EOGT: variants seen among roughly 807,000 people sequenced by gnomAD.
EOGT encodes EGF domain-specific O-linked N-acetylglucosamine transferase.
Under a neutral mutation model 70.5 loss-of-function variants are expected in EOGT, and 55 were observed. The ratio of observed to expected loss-of-function variants is 0.78; its 90% CI spans 0.63 to 0.98. The LOEUF is 0.98. EOGT is among the 50% of genes least tolerant of loss of function. The pLI is 0.00. For missense variants in EOGT, 703 were observed against 641.9 expected (o/e 1.10, Z -1.03); for synonymous variants, 246 against 217.1 (o/e 1.13, Z -1.17).
chr3:69,002,062 C>T lies in EOGT; in HGVS notation c.621-348G>A, dbSNP rs185873179. On this transcript the variant is annotated intron_variant, in intron 8 of 17. Coordinates refer to ENST00000383701, the MANE Select transcript of EOGT (RefSeq NM_001278689.2). ...AAAATTAGCTGGGCGTAGTGGCGAG[C>T]GCCTTTAGTCCCAGCCATTTTCAGG... Among the ~76,000 whole-genome samples the T allele has an allele frequency of 5.5e-4, 84 of 152,172 alleles. 1 individual carries two copies. The East Asian group carries it at 0.013, about 23-fold the overall frequency.
chr3:69,006,038 G>GT (rs2091432150), intron 6 of EOGT, among the ~76,000 whole-genome samples: 1 of 152,146 alleles, frequency 6.6e-6, no homozygotes, highest in African/African-American at 2.4e-5. Context: ...TGATGATATT[G>GT]TTTAGAAGCT....
intron 3 of EOGT, among the ~76,000 whole-genome samples, chr3:69,011,615 G>C (rs114558932): frequency 1.4e-3 from 178 of 123,172 alleles, no homozygotes; most frequent in African/African-American, 4.6e-3. Flanking sequence ...AAAAAACAAA[G>C]AAAGAAAGAA....
rs966753993 is a variant in EOGT, at chr3:68,975,728, A to G, written c.*1890T>C. Reference sequence around the variant, plus strand: ...CTTCTTATGTGATTTTAAGGTCTGAATCAAAGCCATTGCTACAGTGATTCA... The same window carrying G: ...CTTCTTATGTGATTTTAAGGTCTGAGTCAAAGCCATTGCTACAGTGATTCA... On this transcript the variant is annotated 3_prime_UTR_variant, in exon 18 of 18. Transcript: ENST00000383701. 2.6e-5 allele frequency: 4 copies of G among 152,192 alleles called. No homozygotes were observed. The highest frequency in any genetic ancestry group is 7.2e-5 in the African/African-American group (3 of 41,444). The allele number at this position is 152,192 out of a possible 1,614,324, so 9.4% of individuals were successfully genotyped here.
At chr3:68,982,919 T>C (rs1262817329) in intron 14 of EOGT, 47 bp from the exon 15 acceptor site, 1 of 1,501,370 alleles carries the variant, frequency 6.7e-7, no homozygotes, top group South Asian at 1.2e-5. Flanking sequence ...CTTCTTTCAC[T>C]TCTGTTTTTC....
rs377195235 is a variant in EOGT at position 69,010,204 on chromosome 3, A to T, written c.-14-344T>A. On this transcript the variant is annotated intron_variant, in intron 3 of 17. Transcript: ENST00000383701. ...CTGTGAATCAAACCAACTAGGGGCC[A>T]GCAAACTTTTCCTGTAAAGGAGAAG... 9.2e-5 allele frequency among the ~76,000 whole-genome samples: 14 copies of T among 152,374 alleles called. 1 individual carries two copies. The South Asian group carries it at 2.7e-3, about 29-fold the overall frequency.
intron 15 of EOGT, 59 bp downstream of exon 15, chr3:68,982,752 C>T: frequency 1.6e-6 from 2 of 1,288,456 alleles, no homozygotes; most frequent in Admixed American, 2.2e-5. Flanking sequence ...GCTTTCTAGC[C>T]CCCTTGACCT....
At chr3:69,009,915 CA>C in intron 3 of EOGT, 55 bp from the exon 4 acceptor site, 2 of 587,528 alleles carry the variant, frequency 3.4e-6, no homozygotes, top group Non-Finnish European at 2.8e-6. Context: ...AAAGCCAAAA[CA>C]ACAACAACAA....
chr3:68,985,791 T>C (rs2090789181), intron 14 of EOGT, among the ~76,000 whole-genome samples: 1 of 152,224 alleles, frequency 6.6e-6, no homozygotes, highest in South Asian at 2.1e-4. Flanking sequence ...TCTGCTGCTG[T>C]AACAAACTGC....
intron 14 of EOGT, 108 bp downstream of exon 14, chr3:68,987,337 A>C: frequency 1.1e-6 from 1 of 880,120 alleles, no homozygotes; most frequent in Non-Finnish European, 1.8e-6. Context: ...ACTTTTCTCA[A>C]AACTAAGTTT....
chr3:68,992,398 C>G (rs1205378548), intron 10 of EOGT, among the ~76,000 whole-genome samples: 2 of 152,192 alleles, frequency 1.3e-5, no homozygotes, highest in Non-Finnish European at 2.9e-5. Flanking sequence ...TCCTGCATGG[C>G]AGTCAAACTT....
intron 14 of EOGT, 64 bp downstream of exon 14, chr3:68,987,381 A>C: frequency 7.9e-7 from 1 of 1,268,930 alleles, no homozygotes. Context: ...GTGAAAAAAA[A>C]AAAAACACAA....
intron 6 of EOGT, among the ~76,000 whole-genome samples, chr3:69,007,028 G>C (rs935111451): frequency 6.6e-6 from 1 of 152,208 alleles, no homozygotes; most frequent in Non-Finnish European, 1.5e-5. Flanking sequence ...ATATAGAGCA[G>C]TATGGTGGTG....
intron 6 of EOGT, among the ~76,000 whole-genome samples, chr3:69,005,630 T>C (rs1224712825): frequency 2.6e-5 from 4 of 152,176 alleles, no homozygotes; most frequent in Non-Finnish European, 5.9e-5. Flanking sequence ...AAAATGCACA[T>C]GTAAGAGACA....
intron 17 of EOGT, among the ~76,000 whole-genome samples, chr3:68,978,098 C>G (rs2090523678): frequency 6.6e-6 from 1 of 152,206 alleles, no homozygotes; most frequent in Admixed American, 6.5e-5. Context: ...TATATATAAT[C>G]TAATAGATCT....
intron 15 of EOGT, among the ~76,000 whole-genome samples, chr3:68,982,305 A>G (rs2107161094): frequency 6.6e-6 from 1 of 152,254 alleles, no homozygotes; most frequent in African/African-American, 2.4e-5. Context: ...AGATCACTTG[A>G]GGTCACGACT....
Position 69,005,199 on chromosome 3 carries a change from C to A in EOGT, c.456G>T (p.Gln152His). The change falls in exon 7 of 18, where the codon CAG becomes CAT. Residue 152 changes from glutamine (Q) to histidine (H), a missense_variant. Coordinates refer to ENST00000383701, the MANE Select transcript of EOGT (RefSeq NM_001278689.2). ...DSSLVCSRYLQYCRATNLYLD... is the reference protein window; with the variant it reads ...DSSLVCSRYLHYCRATNLYLD... The stretch of plus-strand genomic sequence containing the variant: ...GATAGAGATTGGTTGCTCTGCAGTA[C>A]TGAAGATAACGGGAACACACCAGAC... The A allele has an allele frequency of 6.2e-7, 1 of 1,605,546 alleles. No individual in the cohort carries two copies. Among genetic ancestry groups the A allele is most frequent in the South Asian group, 1.1e-5 (1 of 90,538 alleles).
At chr3:68,996,666 C>T (rs1224137302) in intron 10 of EOGT, among the ~76,000 whole-genome samples, 1 of 152,172 alleles carries the variant, frequency 6.6e-6, no homozygotes, top group East Asian at 1.9e-4. Context: ...CTCCTTGCAC[C>T]TGAGCTGTGC....
chr3:69,006,710 T>C (rs1206077138), intron 6 of EOGT, among the ~76,000 whole-genome samples: 1 of 152,202 alleles, frequency 6.6e-6, no homozygotes, highest in Non-Finnish European at 1.5e-5. Context: ...AGGATCTGAA[T>C]TGTAGTTGAG....
At chr3:68,980,509 A>G (rs866756349) in intron 15 of EOGT, among the ~76,000 whole-genome samples, 3 of 152,216 alleles carry the variant, frequency 2.0e-5, no homozygotes, top group African/African-American at 7.2e-5. Context: ...GGCTAGGGAG[A>G]AATGCTGGAA....
Sources: allele counts gnomAD v4.1 joint callset (sites outside exome capture counted in the v4.1 genomes callset), GRCh38; gene constraint gnomAD v4.1.1; transcripts MANE v1.5; gene names NCBI Gene and HGNC (gene_info 2026-07-23, HGNC 2026-07-21).